Variants in PRKN observed in about 807,000 individuals in gnomAD.
PRKN encodes the protein parkin RBR E3 ubiquitin protein ligase, also known as E3 ubiquitin-protein ligase parkin.
A neutral mutation model predicts 59.5 loss-of-function variants in PRKN; 56 were observed. The observed-to-expected ratio is 0.94, with a 90% CI of 0.76 to 1.18. The LOEUF is 1.18. Among genes scored for constraint, PRKN ranks in the 50% most tolerant of loss-of-function variants. The pLI is 0.00. For missense variants in PRKN, 657 were observed against 596.4 expected (o/e 1.10, Z -1.06); for synonymous variants, 250 against 222.1 (o/e 1.13, Z -1.12).
chr6:162,315,083 A>G (rs1386096246), intron 2 of PRKN, among the ~76,000 whole-genome samples: 1 of 152,136 alleles, frequency 6.6e-6, no homozygotes. Context: ...TAAAAGTTAA[A>G]TTTTTATATC....
intron 7 of PRKN, among the ~76,000 whole-genome samples, chr6:161,697,414 G>A (rs1198810981): frequency 6.6e-6 from 1 of 152,180 alleles, no homozygotes; most frequent in African/African-American, 2.4e-5. Context: ...TGCTCTAGCA[G>A]GCTGTTGCTT....
intron 5 of PRKN, among the ~76,000 whole-genome samples, chr6:162,043,261 G>A (rs1784132467): frequency 6.6e-6 from 1 of 152,168 alleles, no homozygotes; most frequent in African/African-American, 2.4e-5. Flanking sequence ...AGATTTGGGT[G>A]GGGATATAGC....
intron 4 of PRKN, among the ~76,000 whole-genome samples, chr6:162,170,655 G>A (rs964625141): frequency 2.6e-5 from 4 of 152,172 alleles, no homozygotes; most frequent in Non-Finnish European, 5.9e-5. Context: ...AATTAGCTGG[G>A]CCTCTACTTC....
chr6:161,812,499 G>A (rs562374578), intron 6 of PRKN, among the ~76,000 whole-genome samples: 1 of 152,194 alleles, frequency 6.6e-6, no homozygotes, highest in South Asian at 2.1e-4. Context: ...TATGTTGAGA[G>A]TATACATAAA....
chr6:161,696,496 A>T (rs967263611), intron 7 of PRKN, among the ~76,000 whole-genome samples: 3 of 152,232 alleles, frequency 2.0e-5, no homozygotes, highest in African/African-American at 7.2e-5. Context: ...AACGTATCTA[A>T]ATCTAAGGAT....
chr6:161,793,183 G>A (rs1044465100), intron 6 of PRKN, among the ~76,000 whole-genome samples: 6 of 152,182 alleles, frequency 3.9e-5, no homozygotes, highest in Non-Finnish European at 7.4e-5. Flanking sequence ...AGCTTCAACA[G>A]TTGAATGATC....
Position 161,546,019 on chromosome 6 carries a change from GT to G in PRKN, c.1083+2834del, listed in dbSNP as rs1477415976. Among the ~76,000 whole-genome samples, 1 of 152,174 alleles carries G rather than the reference GT, an allele frequency of 6.6e-6. No homozygotes were observed. The highest frequency in any genetic ancestry group is 1.5e-5 in the Non-Finnish European group (1 of 68,030). On this transcript the variant is annotated intron_variant, in intron 9 of 11. Coordinates refer to ENST00000366898, the MANE Select transcript of PRKN (RefSeq NM_004562.3). This position sits in a 1 kb window ranked among gnomAD's most constrained non-coding sequence, Gnocchi z 4.4. ...AAAAATAGTAAGGTCTAGGTGCCCA[GT>G]TTCCTGCCGTAGATCTGACTACATC...
intron 7 of PRKN, among the ~76,000 whole-genome samples, chr6:161,692,469 A>C (rs1038342084): frequency 6.6e-6 from 1 of 152,240 alleles, no homozygotes; most frequent in Non-Finnish European, 1.5e-5. Context: ...ACAAGTAGGC[A>C]GTAATTTAAA....
At chr6:161,697,574 T>C (rs1786075057) in intron 7 of PRKN, among the ~76,000 whole-genome samples, 1 of 152,160 alleles carries the variant, frequency 6.6e-6, no homozygotes, top group South Asian at 2.1e-4. Context: ...AATTTGCTCC[T>C]CTGAACTGAT....
At chr6:162,215,488 A>AT (rs1335752665) in intron 3 of PRKN, among the ~76,000 whole-genome samples, 2 of 152,104 alleles carry the variant, frequency 1.3e-5, no homozygotes, top group African/African-American at 4.8e-5. Flanking sequence ...TCTAAACTAA[A>AT]TGTTTCTCAG....
In PRKN at chr6:162,727,714, G is replaced by T. The variant is rs369389244; in HGVS notation, c.-46C>A. On this transcript the variant is annotated 5_prime_UTR_variant, in exon 1 of 12. Coordinates refer to ENST00000366898, the MANE Select transcript of PRKN (RefSeq NM_004562.3). ...CTGCGGGCCAGGAACAGGCCCATGC[G>T]CGCAGCGGCGCCAGCCGCGCCTCCC... 2 of 1,551,056 alleles carry T rather than the reference G, an allele frequency of 1.3e-6. No homozygotes were observed. The highest frequency in any genetic ancestry group is 1.9e-5 in the Admixed American group (1 of 51,594).
intron 2 of PRKN, among the ~76,000 whole-genome samples, chr6:162,323,991 A>C (rs1434500127): frequency 6.6e-6 from 1 of 152,076 alleles, no homozygotes; most frequent in Non-Finnish European, 1.5e-5. Flanking sequence ...ATAAAAACAA[A>C]TGTCAATCAA....
intron 1 of PRKN, among the ~76,000 whole-genome samples, chr6:162,447,067 A>C (rs544161205): frequency 6.6e-6 from 1 of 152,328 alleles, no homozygotes; most frequent in East Asian, 1.9e-4. Context: ...AATGTCTGTT[A>C]CACAAGATTT....
rs548343046 is a variant in PRKN, at chr6:162,604,529, T to C, written c.7+123133A>G. Among the ~76,000 whole-genome samples the C allele has an allele frequency of 5.9e-5, 9 of 152,282 alleles. No homozygotes were observed. The South Asian group carries it at 1.7e-3, about 28-fold the overall frequency. On this transcript the variant is annotated intron_variant, in intron 1 of 11. Coordinates refer to ENST00000366898, the MANE Select transcript of PRKN (RefSeq NM_004562.3). ...CACATGTAATAAGAAACCTGATTGA[T>C]TCATAAATTTTAGAGCATATTTCTA... is the stretch of plus-strand genomic sequence containing the variant.
Position 161,968,972 on chromosome 6 carries a change from A to C in PRKN, c.734+4330T>G, listed in dbSNP as rs140326810. The stretch of plus-strand genomic sequence containing the variant: ...ATTGTTCTCTCACAATAAAAATGCA[A>C]ATAAGCCAGTGAGAAATTCTTGTAT... On this transcript the variant is annotated intron_variant, in intron 6 of 11. Transcript: ENST00000366898. Among the ~76,000 whole-genome samples the C allele has an allele frequency of 5.2e-3, 789 of 152,350 alleles. 7 individuals carry two copies. The highest frequency in any genetic ancestry group is 0.018 in the African/African-American group (748 of 41,586).
Position 161,551,582 on chromosome 6 carries a change from G to T in PRKN, c.934-2579C>A, listed in dbSNP as rs1485596043. ...ATGAGCTGTGGTTGGAGCTGGGTGT[G>T]TGGCTGCCATTGCGGTCTTGAAAAG... On this transcript the variant is annotated intron_variant, in intron 8 of 11. Transcript: ENST00000366898. The surrounding 1 kb of genome is among the most constrained non-coding windows in gnomAD (Gnocchi z 5.2). Among the ~76,000 whole-genome samples, 2 of 152,186 alleles carry T rather than the reference G, an allele frequency of 1.3e-5. No homozygotes were observed. The highest frequency in any genetic ancestry group is 2.9e-5 in the Non-Finnish European group (2 of 68,034).
chr6:162,609,954 C>A (rs572088624), intron 1 of PRKN, among the ~76,000 whole-genome samples: 1 of 152,102 alleles, frequency 6.6e-6, no homozygotes, highest in Non-Finnish European at 1.5e-5. Flanking sequence ...TACATGGATA[C>A]GTTTTGGAAC....
chr6:162,310,121 G>C (rs1230786087), intron 2 of PRKN, among the ~76,000 whole-genome samples: 1 of 152,074 alleles, frequency 6.6e-6, no homozygotes, highest in South Asian at 2.1e-4. Context: ...TGAGAATATA[G>C]ACGGGAAGAC....
intron 1 of PRKN, among the ~76,000 whole-genome samples, chr6:162,647,455 T>C (rs914773379): frequency 6.6e-6 from 1 of 150,684 alleles, no homozygotes; most frequent in Non-Finnish European, 1.5e-5. Context: ...TATTACAAAA[T>C]TGTGATTCAA....
Sources: gnomAD v4.1 joint callset for allele counts (sites outside exome capture counted in the v4.1 genomes callset) on GRCh38, gnomAD v4.1.1 for gene constraint, Gnocchi (gnomAD v3.1) non-coding constraint, MANE v1.5 for transcripts, NCBI Gene and HGNC (gene_info 2026-07-23, HGNC 2026-07-21) for gene names.